The following CACNA1A variants were observed in gnomAD, a reference collection of about 807,000 sequenced individuals.
CACNA1A encodes the protein voltage-dependent P/Q-type calcium channel subunit alpha-1A.
A neutral mutation model predicts 262.4 loss-of-function variants in CACNA1A; 57 were observed. The ratio of observed to expected loss-of-function variants is 0.22; its 90% CI spans 0.18 to 0.27. CACNA1A has a LOEUF of 0.27. CACNA1A is among the 10% of genes least tolerant of loss of function. The pLI, the probability that CACNA1A is intolerant of heterozygous loss-of-function variation, is 1.00. For missense variants in CACNA1A, 2,526 were observed against 3,562.8 expected, an observed-to-expected ratio of 0.71 and a Z score of 7.41; for synonymous variants, 1,431 against 1,419.3, an observed-to-expected ratio of 1.01 and a Z score of -0.18.
intron 10 of CACNA1A, among the ~76,000 whole-genome samples, chr19:13,321,732 G>A (rs141489676): frequency 1.3e-5 from 2 of 152,248 alleles, no homozygotes; most frequent in Non-Finnish European, 2.9e-5. Flanking sequence ...TGGTTCAGCT[G>A]CATAGGGTAC....
At chr19:13,336,584 A>AGAGAGG (rs2058570073) in intron 6 of CACNA1A, among the ~76,000 whole-genome samples, 1 of 101,884 alleles carries the variant, frequency 9.8e-6, no homozygotes, top group Non-Finnish European at 2.0e-5. Flanking sequence ...AGAGAGACAG[A>AGAGAGG]GAGAGAGAGG....
At chr19:13,493,757 G>A (rs186752095) in intron 1 of CACNA1A, among the ~76,000 whole-genome samples, 35 of 152,308 alleles carry the variant, frequency 2.3e-4, no homozygotes, top group African/African-American at 7.9e-4. Context: ...GATGTTTACT[G>A]CACTGTTATT....
At chr19:13,447,238 T>G (rs1279543954) in intron 3 of CACNA1A, among the ~76,000 whole-genome samples, 1 of 152,204 alleles carries the variant, frequency 6.6e-6, no homozygotes, top group African/African-American at 2.4e-5. Flanking sequence ...GCATAAAATT[T>G]CAGTGGGTTC....
rs895442235 is a variant in CACNA1A, at chr19:13,214,087, T to C, written c.5940+146A>G. 1.1e-5 allele frequency: 7 copies of C among 650,910 alleles called. No individual in the cohort carries two copies. The highest frequency in any genetic ancestry group is 7.2e-5 in the African/African-American group (4 of 55,808). 40.3% of individuals were successfully genotyped at this position (650,910 alleles called of 1,614,324 possible). On this transcript the variant is annotated intron_variant, in intron 40 of 46. Transcript: ENST00000360228. This position sits in a 1 kb window ranked among gnomAD's most constrained non-coding sequence, Gnocchi z 4.1. ...GCCCTGGCCTCTCAAAGCACTGAGA[T>C]TGCAGGTGTGAGCTGCTGTGCACAG... is the stretch of plus-strand genomic sequence containing the variant.
chr19:13,334,115 G>T, intron 8 of CACNA1A: 1 of 446,406 alleles, frequency 2.2e-6, no homozygotes, highest in Non-Finnish European at 4.1e-6. Context: ...TGTGGTGCAT[G>T]GGTAAAAAGT....
At chr19:13,335,978 G>A in intron 6 of CACNA1A, 69 bp from the exon 7 acceptor site, 1 of 897,366 alleles carries the variant, frequency 1.1e-6, no homozygotes, top group Non-Finnish European at 1.8e-6. Context: ...ACAGGTGAGG[G>A]AAGGGGAAGC....
chr19:13,376,661 T>C (rs1184343350), intron 3 of CACNA1A, among the ~76,000 whole-genome samples: 1 of 146,644 alleles, frequency 6.8e-6, no homozygotes, highest in Non-Finnish European at 1.5e-5. Context: ...CTACACATAA[T>C]ATATGTTATA....
At chr19:13,437,896 G>A (rs1239936499) in intron 3 of CACNA1A, among the ~76,000 whole-genome samples, 1 of 151,998 alleles carries the variant, frequency 6.6e-6, no homozygotes, top group Non-Finnish European at 1.5e-5. Context: ...CCAGTGGACA[G>A]AGGGAGCCAG....
rs886674593 is a variant in CACNA1A at position 13,320,243 on chromosome 19, A to T, written c.1346-2922T>A. On this transcript the variant is annotated intron_variant, in intron 10 of 46. Transcript: ENST00000360228. ...GGGGGGATGTTCCACAGATCGAGAGAGAGAGAGAGAGAGAGAGAGAGAGAG... is the reference window on the plus strand; with the variant it reads ...GGGGGGATGTTCCACAGATCGAGAGTGAGAGAGAGAGAGAGAGAGAGAGAG... Among the ~76,000 whole-genome samples, 388 of 142,610 alleles carry T rather than the reference A, an allele frequency of 2.7e-3. 1 individual carries two copies. The highest frequency in any genetic ancestry group is 0.011 in the African/African-American group (378 of 34,962). The allele number at this position is 142,610 out of a possible 152,430, so 93.6% of individuals were successfully genotyped here.
At position 13,436,526 on chromosome 19, in the gene CACNA1A, TTCAC is replaced by T. The variant is rs993162784; in HGVS notation, c.539+16346_539+16349del. Among the ~76,000 whole-genome samples the T allele has an allele frequency of 2.3e-4, 35 of 151,892 alleles. 1 individual carries two copies. Among genetic ancestry groups the T allele is most frequent in the South Asian group, 2.1e-4 (1 of 4,832 alleles). On this transcript the variant is annotated intron_variant, in intron 3 of 46. Coordinates refer to ENST00000360228, the MANE Select transcript of CACNA1A (RefSeq NM_001127222.2). ...ATTCATTAATTCACTCATTCATTCA[TTCAC>T]TCACTCATTCATTCACTCATTCATT... is the stretch of plus-strand genomic sequence containing the variant.
At chr19:13,465,066 C>T (rs35537830) in intron 1 of CACNA1A, among the ~76,000 whole-genome samples, 11,658 of 151,968 alleles carry the variant, frequency 0.077, 591 homozygotes, top group Admixed American at 0.12. Flanking sequence ...GTAGCTGGGA[C>T]TACAGGCGTG....
intron 6 of CACNA1A, among the ~76,000 whole-genome samples, chr19:13,343,128 CT>C (rs112764118): frequency 5.6e-4 from 79 of 142,288 alleles, no homozygotes; most frequent in Non-Finnish European, 5.1e-4. Flanking sequence ...TTTTTTCTTT[CT>C]TTTTTTTTTT....
chr19:13,389,243 G>A (rs1403450070), intron 3 of CACNA1A, among the ~76,000 whole-genome samples: 2 of 152,124 alleles, frequency 1.3e-5, no homozygotes, highest in South Asian at 2.1e-4. Flanking sequence ...AGTATCTGTC[G>A]GATATGCGGT....
At chr19:13,260,301 C>CATATATATATATACATATATAT (rs1451560416) in intron 26 of CACNA1A, 4 of 125,228 alleles carry the variant, frequency 3.2e-5, no homozygotes, top group African/African-American at 1.2e-4. Context: ...TGTGCGTGTA[C>CATATATATATATACATATATAT]ATATATATAT....
intron 30 of CACNA1A, among the ~76,000 whole-genome samples, chr19:13,251,131 C>CAAAAA (rs60032613): frequency 7.6e-6 from 1 of 131,498 alleles, no homozygotes; most frequent in African/African-American, 2.9e-5. Flanking sequence ...GACTGTGTCT[C>CAAAAA]AAAAAAAAAA....
intron 6 of CACNA1A, among the ~76,000 whole-genome samples, chr19:13,354,174 C>T (rs1018139318): frequency 1.3e-5 from 2 of 152,176 alleles, no homozygotes; most frequent in Non-Finnish European, 2.9e-5. Context: ...AAAGGGCTGC[C>T]TACCCAGGTG....
At chr19:13,237,185 A>T (rs2055906202) in intron 31 of CACNA1A, among the ~76,000 whole-genome samples, 1 of 151,924 alleles carries the variant, frequency 6.6e-6, no homozygotes, top group Admixed American at 6.6e-5. Context: ...TGGCCCCCAG[A>T]GGCATTTGAG....
intron 26 of CACNA1A, 192 bp from the exon 27 acceptor site, chr19:13,259,893 G>C (rs2144759552): frequency 1.7e-6 from 1 of 599,120 alleles, no homozygotes; most frequent in Non-Finnish European, 3.0e-6. Context: ...CATCTACTTT[G>C]AGATAAATCC....
At position 13,275,963 on chromosome 19, in the gene CACNA1A, G is replaced by C. The variant is rs1234785102; in HGVS notation, c.3883-7C>G. The C allele has an allele frequency of 1.9e-6, 3 of 1,597,258 alleles. No homozygotes were observed. The highest frequency in any genetic ancestry group is 1.1e-5 in the South Asian group (1 of 90,688). Reference sequence around the variant, plus strand: ...CGAGCCCCAGGTCAATCATCTGTGGGGGAGAAGAGAGGGTGCTCAGAACCC... The same window carrying C: ...CGAGCCCCAGGTCAATCATCTGTGGCGGAGAAGAGAGGGTGCTCAGAACCC... On this transcript the variant is annotated splice_region_variant and splice_polypyrimidine_tract_variant and intron_variant, in intron 23 of 46. Transcript: ENST00000360228.
Sources: gnomAD v4.1 joint callset for allele counts (sites outside exome capture counted in the v4.1 genomes callset) on GRCh38, gnomAD v4.1.1 for gene constraint, Gnocchi (gnomAD v3.1) non-coding constraint, MANE v1.5 for transcripts, NCBI Gene and HGNC (gene_info 2026-07-23, HGNC 2026-07-21) for gene names.